The following CSMD3 variants were observed in gnomAD, a reference collection of about 807,000 sequenced individuals.
CSMD3 encodes CUB and Sushi multiple domains 3.
CSMD3 carries 177 observed loss-of-function variants against 435.2 expected under a neutral mutation model. The observed-to-expected ratio is 0.41, with a 90% CI of 0.36 to 0.46. CSMD3 has a LOEUF of 0.46. Among genes scored for constraint, CSMD3 ranks in the 20% least tolerant of loss-of-function variants. The pLI, the probability that CSMD3 is intolerant of heterozygous loss-of-function variation, is 0.34. For missense variants in CSMD3, 4,265 were observed against 4,504.6 expected, an observed-to-expected ratio of 0.95 and a Z score of 1.52; for synonymous variants, 1,656 against 1,520.5, an observed-to-expected ratio of 1.09 and a Z score of -2.07.
At chr8:112,406,861 C>T (rs1273956469) in intron 34 of CSMD3, 134 bp from the exon 35 acceptor site, 2 of 475,924 alleles carry the variant, frequency 4.2e-6, no homozygotes, top group Non-Finnish European at 7.3e-6. Context: ...TGAATACATT[C>T]TTAAAGTTTT....
chr8:112,947,933 G>A lies in CSMD3; in HGVS notation c.1421-56C>T, dbSNP rs895536007. 8.5e-5 allele frequency: 64 copies of A among 755,626 alleles called. 2 individuals are homozygous for A. Among genetic ancestry groups the A allele is most frequent in the South Asian group, 3.8e-4 (25 of 65,070 alleles). 46.8% of individuals were successfully genotyped at this position (755,626 alleles called of 1,614,324 possible). A position where few individuals can be genotyped will look rare whatever the true frequency, so the allele number is the denominator to read the frequency against. ...ACAAAATATATGTGATTAGAAAATC[G>A]ATGATATTAATTTTAAAATATACAT... On this transcript the variant is annotated intron_variant, in intron 8 of 70. Transcript: ENST00000297405.
intron 1 of CSMD3, among the ~76,000 whole-genome samples, chr8:113,346,570 G>A (rs2094152839): frequency 6.6e-6 from 1 of 151,932 alleles, no homozygotes; most frequent in African/African-American, 2.4e-5. Flanking sequence ...TTAAAACCAG[G>A]GCAAATTTTT....
At chr8:112,932,494 C>T (rs1403442775) in intron 9 of CSMD3, among the ~76,000 whole-genome samples, 3 of 152,158 alleles carry the variant, frequency 2.0e-5, no homozygotes, top group Admixed American at 6.5e-5. Context: ...GATCCGCCTG[C>T]CTTGGCCTCC....
At chr8:112,899,203 T>C (rs969260888) in intron 10 of CSMD3, among the ~76,000 whole-genome samples, 2 of 151,102 alleles carry the variant, frequency 1.3e-5, no homozygotes, top group Non-Finnish European at 3.0e-5. Flanking sequence ...TCTAATAACC[T>C]GAACACTAAT....
intron 22 of CSMD3, among the ~76,000 whole-genome samples, chr8:112,633,805 A>T (rs946844848): frequency 3.3e-5 from 5 of 152,014 alleles, no homozygotes; most frequent in Admixed American, 3.3e-4. Context: ...CCAGAATCAG[A>T]TGCCTTATAT....
chr8:113,277,259 T>TC (rs1158234058), intron 3 of CSMD3, among the ~76,000 whole-genome samples: 1 of 151,982 alleles, frequency 6.6e-6, no homozygotes, highest in East Asian at 1.9e-4. Flanking sequence ...AATATTCAAC[T>TC]ATTGTGAGAG....
chr8:112,681,108 C>T (rs889046975), intron 16 of CSMD3, among the ~76,000 whole-genome samples: 10 of 150,992 alleles, frequency 6.6e-5, no homozygotes, highest in African/African-American at 2.4e-4. Flanking sequence ...GATCTCAGCT[C>T]ACTGCAACCT....
chr8:112,912,232 T>A (rs2082441752), intron 10 of CSMD3, among the ~76,000 whole-genome samples: 1 of 151,632 alleles, frequency 6.6e-6, no homozygotes, highest in African/African-American at 2.4e-5. Context: ...GGAATGTAGA[T>A]ATGTCTTGGA....
intron 28 of CSMD3, among the ~76,000 whole-genome samples, chr8:112,514,210 T>C (rs1003753996): frequency 1.3e-5 from 2 of 152,106 alleles, no homozygotes; most frequent in African/African-American, 4.8e-5. Context: ...GATTTCTCAA[T>C]ATATTTCAAT....
chr8:112,394,882 T>C (rs1423878717), intron 35 of CSMD3, among the ~76,000 whole-genome samples: 1 of 152,224 alleles, frequency 6.6e-6, no homozygotes, highest in Non-Finnish European at 1.5e-5. Flanking sequence ...AGAATAGTGT[T>C]GGCATGCAGT....
At chr8:113,121,393 A>C (rs375325106) in intron 4 of CSMD3, among the ~76,000 whole-genome samples, 2 of 152,256 alleles carry the variant, frequency 1.3e-5, no homozygotes, top group African/African-American at 4.8e-5. Flanking sequence ...GTTTTCTACA[A>C]AGGTGGATTT....
At chr8:112,754,281 T>C (rs16884058) in intron 13 of CSMD3, among the ~76,000 whole-genome samples, 32,859 of 152,124 alleles carry the variant, frequency 0.22, 4,172 homozygotes, top group East Asian at 0.41. Flanking sequence ...TGGTGAAACC[T>C]ATTATATTGG....
intron 27 of CSMD3, among the ~76,000 whole-genome samples, chr8:112,521,069 C>T (rs1055347018): frequency 1.3e-5 from 2 of 152,002 alleles, no homozygotes; most frequent in Non-Finnish European, 2.9e-5. Context: ...ATCTCCTCTG[C>T]ATCACTAGCA....
At chr8:112,863,949 G>T (rs2080899302) in intron 10 of CSMD3, among the ~76,000 whole-genome samples, 1 of 152,022 alleles carries the variant, frequency 6.6e-6, no homozygotes, top group Admixed American at 6.5e-5. Flanking sequence ...TGACAACTTT[G>T]GTCATTAAAG....
intron 3 of CSMD3, among the ~76,000 whole-genome samples, chr8:113,258,905 A>C (rs1387798990): frequency 1.3e-5 from 2 of 152,122 alleles, no homozygotes; most frequent in Non-Finnish European, 2.9e-5. Flanking sequence ...AAGATTACAA[A>C]TATATGTTGA....
At chr8:112,687,414 T>A (rs1350371360) in intron 14 of CSMD3, among the ~76,000 whole-genome samples, 1 of 152,136 alleles carries the variant, frequency 6.6e-6, no homozygotes, top group Non-Finnish European at 1.5e-5. Context: ...AACTTTCTCA[T>A]TATTTTGTAA....
intron 7 of CSMD3, among the ~76,000 whole-genome samples, chr8:112,968,444 A>G (rs966771979): frequency 3.3e-5 from 5 of 151,768 alleles, no homozygotes; most frequent in Non-Finnish European, 7.4e-5. Context: ...CACTGCTTCT[A>G]GTAGCACACA....
In CSMD3 at chr8:112,224,433, C is replaced by T; in HGVS notation, c.*338G>A. 1 of 346,614 alleles carries T rather than the reference C, an allele frequency of 2.9e-6. No individual in the cohort carries two copies. The highest frequency in any genetic ancestry group is 2.5e-5 in the South Asian group (1 of 39,678). 21.5% of individuals were successfully genotyped at this position (346,614 alleles called of 1,614,324 possible). A position where few individuals can be genotyped will look rare whatever the true frequency, so the allele number is the denominator to read the frequency against. ...ATATCTTTTTTTTTAAACCCAGTCCCTCTAATATAGTTTATAAAGCACAGA... is the reference window on the plus strand; with the variant it reads ...ATATCTTTTTTTTTAAACCCAGTCCTTCTAATATAGTTTATAAAGCACAGA... On this transcript the variant is annotated 3_prime_UTR_variant, in exon 71 of 71. Coordinates refer to ENST00000297405, the MANE Select transcript of CSMD3 (RefSeq NM_198123.2).
chr8:113,330,017 C>T (rs933544493), intron 1 of CSMD3, among the ~76,000 whole-genome samples: 3 of 152,060 alleles, frequency 2.0e-5, no homozygotes, highest in African/African-American at 7.2e-5. Flanking sequence ...ACCAGTAAAG[C>T]AGCTACCTAG....
Sources: gnomAD v4.1 joint callset for allele counts (sites outside exome capture counted in the v4.1 genomes callset) on GRCh38, gnomAD v4.1.1 for gene constraint, MANE v1.5 for transcripts, NCBI Gene and HGNC (gene_info 2026-07-23, HGNC 2026-07-21) for gene names.